Variants in ARHGAP15 observed in about 807,000 individuals in gnomAD.
ARHGAP15 encodes the protein Rho GTPase activating protein 15, also known as rho GTPase-activating protein 15.
A neutral mutation model predicts 63.7 loss-of-function variants in ARHGAP15; 51 were observed. The observed-to-expected ratio is 0.80, with a 90% CI of 0.64 to 1.01. ARHGAP15 has a LOEUF of 1.01. Ranked by LOEUF, ARHGAP15 falls within the 50% of genes least tolerant of loss-of-function variation. ARHGAP15 has a pLI of 0.00. For missense variants in ARHGAP15, 560 were observed against 564.6 expected, an observed-to-expected ratio of 0.99 and a Z score of 0.08; for synonymous variants, 191 against 193.8, an observed-to-expected ratio of 0.99 and a Z score of 0.12.
chr2:143,456,317 TA>T (rs1463330160), intron 8 of ARHGAP15, among the ~76,000 whole-genome samples: 4 of 152,086 alleles, frequency 2.6e-5, no homozygotes, highest in Non-Finnish European at 5.9e-5. Flanking sequence ...GGTAAACATA[TA>T]AATGACAGAG....
chr2:143,459,338 G>A (rs1019801931), intron 8 of ARHGAP15, among the ~76,000 whole-genome samples: 5 of 151,598 alleles, frequency 3.3e-5, no homozygotes, highest in African/African-American at 1.2e-4. Flanking sequence ...TTAAATGGGG[G>A]GTGGGGGGAA....
intron 9 of ARHGAP15, among the ~76,000 whole-genome samples, chr2:143,501,450 G>T (rs1302487573): frequency 6.6e-6 from 1 of 152,222 alleles, no homozygotes; most frequent in Non-Finnish European, 1.5e-5. Context: ...GAAAGAGGAA[G>T]TGAGAGCCTG....
intron 6 of ARHGAP15, among the ~76,000 whole-genome samples, chr2:143,360,829 G>A (rs1407648182): frequency 6.6e-6 from 1 of 152,148 alleles, no homozygotes; most frequent in Non-Finnish European, 1.5e-5. Context: ...AAGAGATTCA[G>A]GCAATTCTTG....
chr2:143,740,044 CT>C lies in ARHGAP15; in HGVS notation c.1245-27938del, dbSNP rs1318086795. ...TGTTTTATGCAGAGAATTTGGTTCT[CT>C]TTTTTTCTAGCTGTGTTTGAGAGAT... is the stretch of plus-strand genomic sequence containing the variant. On this transcript the variant is annotated intron_variant, in intron 13 of 13. Coordinates refer to ENST00000295095, the MANE Select transcript of ARHGAP15 (RefSeq NM_018460.4). 1.2e-4 allele frequency among the ~76,000 whole-genome samples: 19 copies of C among 152,066 alleles called. 1 individual carries two copies. In the East Asian group the frequency reaches 3.3e-3, roughly 26 times the overall value.
At chr2:143,445,305 C>T (rs981198591) in intron 8 of ARHGAP15, among the ~76,000 whole-genome samples, 3 of 151,500 alleles carry the variant, frequency 2.0e-5, no homozygotes, top group African/African-American at 7.3e-5. Context: ...GGACTACAGG[C>T]TCGGGCAACA....
intron 6 of ARHGAP15, among the ~76,000 whole-genome samples, chr2:143,394,753 A>G (rs772269458): frequency 6.6e-6 from 1 of 152,136 alleles, no homozygotes; most frequent in Non-Finnish European, 1.5e-5. Context: ...GTTGTATTTC[A>G]CATTTTGAAA....
chr2:143,644,284 T>C (rs1680757606), intron 12 of ARHGAP15, among the ~76,000 whole-genome samples: 1 of 152,070 alleles, frequency 6.6e-6, no homozygotes, highest in African/African-American at 2.4e-5. Context: ...GCTAGATTCT[T>C]TTCTGTGTCT....
chr2:143,766,065 G>A (rs902459126), intron 13 of ARHGAP15, among the ~76,000 whole-genome samples: 5 of 152,046 alleles, frequency 3.3e-5, no homozygotes, highest in Non-Finnish European at 7.4e-5. Flanking sequence ...CTTAGGCCCT[G>A]CTCAAACTCT....
chr2:143,694,033 A>G (rs1683732937), intron 12 of ARHGAP15, among the ~76,000 whole-genome samples: 1 of 152,216 alleles, frequency 6.6e-6, no homozygotes, highest in African/African-American at 2.4e-5. Context: ...CAGTCTTTCA[A>G]CTTCAATTTC....
intron 8 of ARHGAP15, among the ~76,000 whole-genome samples, chr2:143,484,218 T>G (rs1387720904): frequency 1.1e-4 from 16 of 151,830 alleles, no homozygotes. Flanking sequence ...CCACAAAAAT[T>G]AGCTAGGCAT....
chr2:143,661,750 T>C (rs1222352447), intron 12 of ARHGAP15, among the ~76,000 whole-genome samples: 1 of 152,192 alleles, frequency 6.6e-6, no homozygotes, highest in Non-Finnish European at 1.5e-5. Flanking sequence ...GGTGAGGCAT[T>C]GCCTCACTTG....
intron 11 of ARHGAP15, among the ~76,000 whole-genome samples, chr2:143,588,510 G>A (rs13412834): frequency 0.014 from 2,161 of 152,188 alleles, 54 homozygotes; most frequent in African/African-American, 0.05. Flanking sequence ...ACAAGCCCTG[G>A]TGGGTGTCGT....
At chr2:143,507,775 A>G (rs1019488062) in intron 9 of ARHGAP15, among the ~76,000 whole-genome samples, 2 of 152,106 alleles carry the variant, frequency 1.3e-5, no homozygotes, top group Admixed American at 6.6e-5. Flanking sequence ...TATCACTGCC[A>G]TGTGCCACCT....
intron 2 of ARHGAP15, among the ~76,000 whole-genome samples, chr2:143,189,149 T>C (rs1009552602): frequency 6.6e-6 from 1 of 152,234 alleles, no homozygotes; most frequent in Non-Finnish European, 1.5e-5. Context: ...GAAAGCATTC[T>C]TCTAGCCTCC....
chr2:143,334,240 A>G (rs1399361807), intron 6 of ARHGAP15, among the ~76,000 whole-genome samples: 2 of 152,222 alleles, frequency 1.3e-5, no homozygotes, highest in Non-Finnish European at 2.9e-5. Context: ...GCTGGTAAAA[A>G]TAAGAGTACT....
At chr2:143,147,540 T>C (rs999859868) in intron 1 of ARHGAP15, among the ~76,000 whole-genome samples, 6 of 152,036 alleles carry the variant, frequency 3.9e-5, no homozygotes, top group Non-Finnish European at 7.4e-5. Context: ...ATTTTCTTCC[T>C]ATTTGCTTTT....
In ARHGAP15 at chr2:143,519,161, A is replaced by G. The variant is rs1019726326; in HGVS notation, c.827-105A>G. ...GGAAATAAAGCAAAAAAAAAATCTT[A>G]TGCAAGATGAAGATTTCAGCATGCA... On this transcript the variant is annotated intron_variant, in intron 9 of 13. Coordinates refer to ENST00000295095, the MANE Select transcript of ARHGAP15 (RefSeq NM_018460.4). 8 of 821,180 alleles carry G rather than the reference A, an allele frequency of 9.7e-6. No homozygotes were observed. The African/African-American group carries it at 1.4e-4, about 14-fold the overall frequency. 50.9% of individuals were successfully genotyped at this position (821,180 alleles called of 1,614,324 possible).
chr2:143,467,595 C>T (rs1438722603), intron 8 of ARHGAP15, among the ~76,000 whole-genome samples: 1 of 152,072 alleles, frequency 6.6e-6, no homozygotes, highest in Non-Finnish European at 1.5e-5. Context: ...CTATTGTCTG[C>T]TTCCATCATA....
rs193248429 is a variant in ARHGAP15, at chr2:143,288,250, C to G, written c.474+37650C>G. On this transcript the variant is annotated intron_variant, in intron 6 of 13. Transcript: ENST00000295095. Reference sequence around the variant, plus strand: ...TATGCACACTCAGTTCAGTCCTGTGCACATCCTACACTTCCGAATGCATAC... The same window carrying G: ...TATGCACACTCAGTTCAGTCCTGTGGACATCCTACACTTCCGAATGCATAC... Among the ~76,000 whole-genome samples, 4 of 152,266 alleles carry G rather than the reference C, an allele frequency of 2.6e-5. No homozygotes were observed. The East Asian group carries it at 7.7e-4, about 29-fold the overall frequency.
Sources: gnomAD v4.1 joint callset for allele counts (sites outside exome capture counted in the v4.1 genomes callset) on GRCh38, gnomAD v4.1.1 for gene constraint, MANE v1.5 for transcripts, NCBI Gene and HGNC (gene_info 2026-07-23, HGNC 2026-07-21) for gene names.